HORMAD1: variants seen among roughly 807,000 people sequenced by gnomAD.
HORMAD1 encodes HORMA domain containing 1.
Under a neutral mutation model 58.2 loss-of-function variants are expected in HORMAD1, and 33 were observed. That is an observed-to-expected ratio of 0.57 (90% confidence interval 0.43 to 0.76). The LOEUF (loss-of-function observed/expected upper bound fraction) is 0.76. Ranked by LOEUF, HORMAD1 falls within the 30% of genes least tolerant of loss-of-function variation. The pLI is 0.00. For missense variants in HORMAD1, 363 were observed against 462.0 expected (o/e 0.79, Z 1.96); for synonymous variants, 137 against 144.6 (o/e 0.95, Z 0.38).
intron 8 of HORMAD1, 28 bp downstream of exon 8, chr1:150,708,866 A>G: frequency 8.5e-7 from 1 of 1,174,146 alleles, no homozygotes; most frequent in South Asian, 1.2e-5. Flanking sequence ...GTAATCTGTA[A>G]TACAAACAGA....
chr1:150,700,303 GGTCTCCCT>G lies in HORMAD1; in HGVS notation c.1033-128_1033-121del, dbSNP rs1651498632. The G allele has an allele frequency of 6.7e-6, 4 of 598,578 alleles. No homozygotes were observed. In the South Asian group the frequency reaches 8.0e-5, roughly 12 times the overall value. The allele number at this position is 598,578 out of a possible 1,614,324, so 37.1% of individuals were successfully genotyped here. A position where few individuals can be genotyped will look rare whatever the true frequency, so the allele number is the denominator to read the frequency against. The stretch of plus-strand genomic sequence containing the variant: ...TTATTTATTTACTTTTTAGGGACAG[GGTCTCCCT>G]CTGTCACCCAGGCTGGAATGCAGTG... On this transcript the variant is annotated intron_variant, in intron 13 of 14. Transcript: ENST00000361824.
At chr1:150,716,312 C>A (rs1481598700) in intron 3 of HORMAD1, among the ~76,000 whole-genome samples, 2 of 151,850 alleles carry the variant, frequency 1.3e-5, no homozygotes, top group Middle Eastern at 6.8e-3. Flanking sequence ...CAGGCATGCA[C>A]CACCATGCCC....
rs1351639312 is a variant in HORMAD1, at chr1:150,708,914, T to C, written c.375A>G (p.Gly125=). The part of the protein sequence containing the change: ...YQFKFKYTNN[G]PLMDFISKNQ... ...AATACCTTATGAAGTCCATGAGTGG[T>C]CCATTATTGGTGTATTTGAATTTGA... Residue 125 remains glycine, a synonymous_variant, in exon 8 of 15, where the codon GGA becomes GGG. Transcript: ENST00000361824. 1 of 1,501,462 alleles carries C rather than the reference T, an allele frequency of 6.7e-7. No homozygotes were observed. Among genetic ancestry groups the C allele is most frequent in the South Asian group, 1.1e-5 (1 of 88,716 alleles). The allele number at this position is 1,501,462 out of a possible 1,614,324, so 93.0% of individuals were successfully genotyped here. A position where few individuals can be genotyped will look rare whatever the true frequency, so the allele number is the denominator to read the frequency against.
In HORMAD1 at chr1:150,708,925, T is replaced by G; in HGVS notation, c.364A>C (p.Thr122Pro). Residue 122 changes from threonine (T) to proline (P), a missense_variant, in exon 8 of 15, where the codon ACC becomes CCC. Physicochemically the swap from Thr to Pro is conservative, Grantham distance 38 (BLOSUM62 -1). This residue lies in a region of HORMAD1 where 128 missense variants were observed against 171.8 expected (regional missense o/e 0.74). Transcript: ENST00000361824. ...SECYQFKFKY[T>P]NNGPLMDFIS... ...AAGTCCATGAGTGGTCCATTATTGG[T>G]GTATTTGAATTTGAATTGGTAACAT... 1 of 1,515,468 alleles carries G rather than the reference T, an allele frequency of 6.6e-7. No homozygotes were observed. The highest frequency in any genetic ancestry group is 9.2e-7 in the Non-Finnish European group (1 of 1,090,464). 93.9% of individuals were successfully genotyped at this position (1,515,468 alleles called of 1,614,324 possible). A position where few individuals can be genotyped will look rare whatever the true frequency, so the allele number is the denominator to read the frequency against.
intron 5 of HORMAD1, chr1:150,713,851 A>G: frequency 2.1e-6 from 1 of 485,720 alleles, no homozygotes; most frequent in South Asian, 2.4e-5. Context: ...TGTTATTAAT[A>G]CAAATAAGTG....
intron 2 of HORMAD1, among the ~76,000 whole-genome samples, chr1:150,718,318 A>G (rs1571079795): frequency 6.6e-6 from 1 of 150,726 alleles, no homozygotes; most frequent in African/African-American, 2.4e-5. Flanking sequence ...CTGAGACTAC[A>G]GGCGTTGCAC....
intron 7 of HORMAD1, among the ~76,000 whole-genome samples, chr1:150,709,380 A>G (rs1651791300): frequency 6.6e-6 from 1 of 152,240 alleles, no homozygotes; most frequent in South Asian, 2.1e-4. Context: ...CATATGTTGT[A>G]TGAAATCAAG....
intron 10 of HORMAD1, among the ~76,000 whole-genome samples, chr1:150,704,749 C>A (rs1332494398): frequency 6.6e-6 from 1 of 151,848 alleles, no homozygotes; most frequent in African/African-American, 2.4e-5. Context: ...CACAAACAAA[C>A]AAAAAAACCC....
intron 2 of HORMAD1, among the ~76,000 whole-genome samples, chr1:150,718,511 G>T (rs991010055): frequency 2.0e-5 from 3 of 151,996 alleles, no homozygotes; most frequent in Non-Finnish European, 4.4e-5. Context: ...CATAACACAT[G>T]GATAGATTAC....
chr1:150,709,510 C>T (rs1250939793), intron 7 of HORMAD1, among the ~76,000 whole-genome samples: 3 of 152,162 alleles, frequency 2.0e-5, no homozygotes, highest in South Asian at 4.1e-4. Flanking sequence ...CAATGCATTG[C>T]GGAAAGCCGC....
In HORMAD1 at chr1:150,706,955, C is replaced by G. The variant is rs1651715266; in HGVS notation, c.548-146G>C. 3 of 595,140 alleles carry G rather than the reference C, an allele frequency of 5.0e-6. No homozygotes were observed. The East Asian group carries it at 9.2e-5, about 18-fold the overall frequency. 36.9% of individuals were successfully genotyped at this position (595,140 alleles called of 1,614,324 possible). ...ATACGAATTACTCTCCTGCTATGTCCAAGTCCCCATTTTATTCCCTAAAGG... is the reference window on the plus strand; with the variant it reads ...ATACGAATTACTCTCCTGCTATGTCGAAGTCCCCATTTTATTCCCTAAAGG... On this transcript the variant is annotated intron_variant, in intron 9 of 14. Coordinates refer to ENST00000361824, the MANE Select transcript of HORMAD1 (RefSeq NM_032132.5).
At chr1:150,706,348 G>T (rs587757067) in intron 10 of HORMAD1, among the ~76,000 whole-genome samples, 1 of 152,290 alleles carries the variant, frequency 6.6e-6, no homozygotes, top group Admixed American at 6.5e-5. Context: ...CAGAATAGTT[G>T]TGCTTTTAAG....
chr1:150,711,430 T>C, intron 7 of HORMAD1, 115 bp downstream of exon 7: 5 of 797,408 alleles, frequency 6.3e-6, no homozygotes, highest in East Asian at 2.6e-5. Context: ...AAAATATATA[T>C]GAAAGTATAT....
At chr1:150,717,390 A>C in intron 2 of HORMAD1, 108 bp from the exon 3 acceptor site, 2 of 581,004 alleles carry the variant, frequency 3.4e-6, no homozygotes, top group Non-Finnish European at 5.5e-6. Flanking sequence ...TCACCCCAAG[A>C]ATTCCTCCCT....
intron 3 of HORMAD1, among the ~76,000 whole-genome samples, chr1:150,715,720 C>T (rs72702570): frequency 0.39 from 58,477 of 151,740 alleles, 11,584 homozygotes; most frequent in South Asian, 0.55. Flanking sequence ...TGAGCTTCCA[C>T]GCCTGGCCCT....
chr1:150,705,371 C>T (rs1651662383), intron 10 of HORMAD1, among the ~76,000 whole-genome samples: 1 of 150,430 alleles, frequency 6.6e-6, no homozygotes, highest in South Asian at 2.1e-4. Flanking sequence ...ACTAAAAATA[C>T]AAAATTAGCC....
intron 14 of HORMAD1, 88 bp downstream of exon 14, chr1:150,700,024 T>C (rs1571064706): frequency 1.6e-6 from 1 of 635,510 alleles, no homozygotes; most frequent in South Asian, 2.2e-5. Flanking sequence ...TCGAAAGATA[T>C]CAAATTCATC....
At chr1:150,713,240 T>C (rs72702561) in intron 5 of HORMAD1, among the ~76,000 whole-genome samples, 7,872 of 152,280 alleles carry the variant, frequency 0.052, 262 homozygotes, top group Non-Finnish European at 0.079. Flanking sequence ...TTTAACATTA[T>C]TGAAAAGTAT....
intron 12 of HORMAD1, 132 bp downstream of exon 12, chr1:150,703,985 AT>A (rs1489607563): frequency 3.3e-6 from 2 of 603,176 alleles, no homozygotes; most frequent in African/African-American, 3.9e-5. Context: ...GATTTAGTTA[AT>A]AACAAGCATT....
Sources: gnomAD v4.1 joint callset for allele counts (sites outside exome capture counted in the v4.1 genomes callset) on GRCh38, gnomAD v4.1.1 for gene constraint, gnomAD v4.1.1 regional missense constraint, MANE v1.5 for transcripts, NCBI Gene and HGNC (gene_info 2026-07-23, HGNC 2026-07-21) for gene names.